The following GMPS variants were observed in gnomAD, a reference collection of about 807,000 sequenced individuals.
GMPS encodes the protein guanosine monophosphate synthase, also known as GMP synthase [glutamine-hydrolyzing].
In GMPS, 15 loss-of-function variants were observed where a neutral mutation model predicts 77.9. The ratio of observed to expected loss-of-function variants is 0.19; its 90% CI spans 0.13 to 0.30. The LOEUF (loss-of-function observed/expected upper bound fraction) is 0.30, where lower values mean the gene tolerates loss of function less well. Among genes scored for constraint, GMPS ranks in the 10% least tolerant of loss-of-function variants. The pLI is 1.00. For missense variants in GMPS, 590 were observed against 838.8 expected (o/e 0.70, Z 3.66); for synonymous variants, 224 against 275.9 (o/e 0.81, Z 1.86).
chr3:155,893,692 G>C lies in GMPS; in HGVS notation c.202G>C (p.Gly68Arg), dbSNP rs1468659501. The C allele has an allele frequency of 6.3e-7, 1 of 1,586,060 alleles. No homozygotes were observed. Among genetic ancestry groups the C allele is most frequent in the Non-Finnish European group, 8.6e-7 (1 of 1,159,144 alleles). ...ACCAGCATTTGCTATAAAGGAACAA[G>C]GATTCCGGTAGACTTTTCACTAATC... ...ETPAFAIKEQ[G>R]FRAIIISGGP... Residue 68 changes from glycine to arginine, a missense_variant, in exon 2 of 16, where the codon GGA becomes CGA. Transcript: ENST00000496455.
At chr3:155,925,099 T>G (rs2083251513) in intron 11 of GMPS, 142 bp from the exon 12 acceptor site, 1 of 626,852 alleles carries the variant, frequency 1.6e-6, no homozygotes, top group African/African-American at 1.9e-5. Context: ...TCTGGCATAG[T>G]GCATAGCACA....
intron 1 of GMPS, among the ~76,000 whole-genome samples, chr3:155,885,004 C>G (rs1448914829): frequency 6.6e-6 from 1 of 152,096 alleles, no homozygotes; most frequent in African/African-American, 2.4e-5. Flanking sequence ...GTTTGGTTAG[C>G]AAAAGAAGAT....
chr3:155,878,895 G>A (rs1395277730), intron 1 of GMPS, among the ~76,000 whole-genome samples: 1 of 152,036 alleles, frequency 6.6e-6, no homozygotes, highest in African/African-American at 2.4e-5. Flanking sequence ...ACCTTGGTGG[G>A]AGAGGGATGG....
intron 8 of GMPS, among the ~76,000 whole-genome samples, chr3:155,914,971 T>C (rs1577523504): frequency 1.3e-5 from 2 of 151,898 alleles, no homozygotes; most frequent in South Asian, 2.1e-4. Flanking sequence ...GGTTTCACCA[T>C]GTTGGCCAGG....
intron 1 of GMPS, among the ~76,000 whole-genome samples, chr3:155,888,700 C>T (rs1451884487): frequency 2.6e-5 from 4 of 152,006 alleles, no homozygotes. Context: ...ATTCTCCTGC[C>T]TCAGCCTCCC....
rs1305148475 is a variant in GMPS, at chr3:155,895,832, G to T, written c.210-2095G>T. The stretch of plus-strand genomic sequence containing the variant: ...CCTTAACTAAGTCCATGACTTTTTT[G>T]TTTTTTTAATAGCACTAAGAATCTT... On this transcript the variant is annotated intron_variant, in intron 2 of 15. Coordinates refer to ENST00000496455, the MANE Select transcript of GMPS (RefSeq NM_003875.3). 4.6e-5 allele frequency among the ~76,000 whole-genome samples: 7 copies of T among 151,914 alleles called. No individual in the cohort carries two copies. In the East Asian group the frequency reaches 1.3e-3, roughly 29 times the overall value.
At chr3:155,871,383 G>A (rs1753900711) in intron 1 of GMPS, among the ~76,000 whole-genome samples, 1 of 152,140 alleles carries the variant, frequency 6.6e-6, no homozygotes, top group African/African-American at 2.4e-5. Flanking sequence ...GAGCTGGGCC[G>A]GCCTCTGGTC....
chr3:155,931,790 T>C lies in GMPS; in HGVS notation c.1586T>C (p.Val529Ala). 6.4e-7 allele frequency: 1 copy of C among 1,557,398 alleles called. No homozygotes were observed. Among genetic ancestry groups the C allele is most frequent in the Non-Finnish European group, 8.9e-7 (1 of 1,129,078 alleles). ...GGTGACTGTCGTTCCTACAGTTACG[T>C]GTGTGGAATCTCCAGTAAAGATGAA... is the stretch of plus-strand genomic sequence containing the variant. ...VQGDCRSYSYVCGISSKDEPD... is the reference protein window; with the variant it reads ...VQGDCRSYSYACGISSKDEPD... Residue 529 changes from valine to alanine, a missense_variant, in exon 13 of 16, where the codon GTG (valine) becomes GCG (alanine). Coordinates refer to ENST00000496455, the MANE Select transcript of GMPS (RefSeq NM_003875.3).
At chr3:155,915,027 C>G (rs933107623) in intron 8 of GMPS, among the ~76,000 whole-genome samples, 2 of 152,000 alleles carry the variant, frequency 1.3e-5, no homozygotes, top group Non-Finnish European at 2.9e-5. Context: ...CTCAGCCTCC[C>G]GAACTTCTGG....
intron 3 of GMPS, among the ~76,000 whole-genome samples, chr3:155,899,666 C>T (rs553108072): frequency 6.6e-6 from 1 of 152,110 alleles, no homozygotes; most frequent in African/African-American, 2.4e-5. Flanking sequence ...TTTGTACATT[C>T]TATTGTTTTG....
intron 3 of GMPS, among the ~76,000 whole-genome samples, chr3:155,903,121 T>C (rs1754770140): frequency 6.6e-6 from 1 of 152,236 alleles, no homozygotes; most frequent in Non-Finnish European, 1.5e-5. Flanking sequence ...TATCTTCTGA[T>C]ATCTGTTGTG....
chr3:155,933,383 T>C (rs1755678338), intron 13 of GMPS, among the ~76,000 whole-genome samples: 2 of 152,192 alleles, frequency 1.3e-5, no homozygotes, highest in Admixed American at 1.3e-4. Context: ...GGTAAATACC[T>C]GTCCCAGTAC....
At position 155,912,457 on chromosome 3, in the gene GMPS, A is replaced by G. The variant is rs1324928284; in HGVS notation, c.886+1178A>G. 2.0e-5 allele frequency among the ~76,000 whole-genome samples: 3 copies of G among 152,154 alleles called. No homozygotes were observed. In the East Asian group the frequency reaches 5.8e-4, roughly 29 times the overall value. ...TTTGTGAAATTTGCAAGATATTTTGATAATTTGTAGTTGTTTATTTTCTTT... is the reference window on the plus strand; with the variant it reads ...TTTGTGAAATTTGCAAGATATTTTGGTAATTTGTAGTTGTTTATTTTCTTT... On this transcript the variant is annotated intron_variant, in intron 7 of 15. Transcript: ENST00000496455.
intron 1 of GMPS, among the ~76,000 whole-genome samples, chr3:155,878,737 C>T (rs952053595): frequency 2.6e-5 from 4 of 152,048 alleles, no homozygotes; most frequent in African/African-American, 9.7e-5. Flanking sequence ...AATTGGCTGA[C>T]GCGATTATGG....
intron 15 of GMPS, 37 bp downstream of exon 15, chr3:155,936,547 T>C (rs1169763211): frequency 9.5e-6 from 11 of 1,162,870 alleles, no homozygotes; most frequent in Non-Finnish European, 1.2e-5. Context: ...ACGTTCTCAG[T>C]ACCTCTTACA....
chr3:155,928,258 C>CT (rs201701895), intron 12 of GMPS, among the ~76,000 whole-genome samples: 6 of 150,282 alleles, frequency 4.0e-5, no homozygotes, highest in East Asian at 2.0e-4. Context: ...AACTCCTGAG[C>CT]TCAGGCAATC....
Position 155,910,765 on chromosome 3 carries a change from A to G in GMPS, c.600A>G (p.Lys200=). The part of the protein sequence containing the change: ...HPEVGLTENG[K]VILKNFLYDI... ...AAGTTGGCCTTACAGAAAATGGAAA[A>G]GTAATACTGAAGAATTTCCTTTATG... The change falls in exon 6 of 16, where the codon AAA becomes AAG. Residue 200 remains lysine, a synonymous_variant. Transcript: ENST00000496455. The G allele has an allele frequency of 6.2e-7, 1 of 1,611,170 alleles. No individual in the cohort carries two copies. The highest frequency in any genetic ancestry group is 8.5e-7 in the Non-Finnish European group (1 of 1,177,670).
upstream of GMPS, chr3:155,870,486 G>T (rs966365199): frequency 4.9e-6 from 1 of 205,422 alleles, no homozygotes; most frequent in East Asian, 8.0e-5. Context: ...CGGCTTTGCC[G>T]GCGGGGACCG....
chr3:155,912,206 T>C lies in GMPS; in HGVS notation c.886+927T>C, dbSNP rs78123831. Among the ~76,000 whole-genome samples, 128 of 152,334 alleles carry C rather than the reference T, an allele frequency of 8.4e-4. 1 individual carries two copies. In the East Asian group the frequency reaches 0.021, roughly 26 times the overall value. ...CTTGTAGGTAAGTATGATGTGAACA[T>C]GAGTCTATTTTTTTGAAACTTCTCT... On this transcript the variant is annotated intron_variant, in intron 7 of 15. Coordinates refer to ENST00000496455, the MANE Select transcript of GMPS (RefSeq NM_003875.3).
Sources: allele counts gnomAD v4.1 joint callset (sites outside exome capture counted in the v4.1 genomes callset), GRCh38; gene constraint gnomAD v4.1.1; transcripts MANE v1.5; gene names NCBI Gene and HGNC (gene_info 2026-07-23, HGNC 2026-07-21).